The following NTN4 variants were observed in gnomAD, a reference collection of about 807,000 sequenced individuals.
The protein encoded by NTN4 is netrin-4.
In NTN4, 32 loss-of-function variants were observed where a neutral mutation model predicts 73.6. That is an observed-to-expected ratio of 0.44 (90% CI 0.33 to 0.58). The LOEUF (loss-of-function observed/expected upper bound fraction) is 0.58. NTN4 is among the 20% of genes least tolerant of loss of function. NTN4 has a pLI of 0.04. For synonymous variants in NTN4, 258 were observed against 287.5 expected (o/e 0.90, Z 1.04); for missense variants, 654 against 798.3 (o/e 0.82, Z 2.18).
At chr12:95,717,440 C>A (rs767368747) in intron 3 of NTN4, among the ~76,000 whole-genome samples, 2 of 152,022 alleles carry the variant, frequency 1.3e-5, no homozygotes, top group Non-Finnish European at 2.9e-5. Flanking sequence ...TTGGGATGAA[C>A]CTCCCGGGGT....
intron 2 of NTN4, among the ~76,000 whole-genome samples, chr12:95,783,406 A>G (rs2079146245): frequency 6.6e-6 from 1 of 152,228 alleles, no homozygotes; most frequent in Non-Finnish European, 1.5e-5. Context: ...TAAGTTAACA[A>G]TGCTATCTTT....
At position 95,708,413 on chromosome 12, in the gene NTN4, G is replaced by A. The variant is rs937498325; in HGVS notation, c.1180+2028C>T. Among the ~76,000 whole-genome samples, 6 of 151,296 alleles carry A rather than the reference G, an allele frequency of 4.0e-5. No individual in the cohort carries two copies. In the South Asian group the frequency reaches 6.3e-4, roughly 16 times the overall value. On this transcript the variant is annotated intron_variant, in intron 5 of 9. Coordinates refer to ENST00000343702, the MANE Select transcript of NTN4 (RefSeq NM_021229.4). ...CGCCATTCTCCTGCCTCAGCCTCCC[G>A]AGTAGCTGGAACTACAGGCGCCCGC...
rs78220032 is a variant in NTN4 at position 95,767,531 on chromosome 12, G to T, written c.585+19408C>A. Among the ~76,000 whole-genome samples the T allele has an allele frequency of 9.0e-3, 1,371 of 152,268 alleles. 42 individuals carry two copies. The highest frequency in any genetic ancestry group is 0.087 in the East Asian group (449 of 5,178). ...GCTTAGCAGTGCTTATGGAGAGAAAGTAACAAGCTTGGCCATTTATCCCAG... is the reference window on the plus strand; with the variant it reads ...GCTTAGCAGTGCTTATGGAGAGAAATTAACAAGCTTGGCCATTTATCCCAG... On this transcript the variant is annotated intron_variant, in intron 2 of 9. Coordinates refer to ENST00000343702, the MANE Select transcript of NTN4 (RefSeq NM_021229.4).
At chr12:95,724,023 GT>G (rs1044519595) in intron 3 of NTN4, among the ~76,000 whole-genome samples, 5 of 149,236 alleles carry the variant, frequency 3.4e-5, no homozygotes, top group Non-Finnish European at 6.0e-5. Context: ...GTTACCTAGA[GT>G]TTTTTTTTTA....
chr12:95,664,302 C>G (rs1342262210), intron 9 of NTN4, among the ~76,000 whole-genome samples: 1 of 152,130 alleles, frequency 6.6e-6, no homozygotes, highest in African/African-American at 2.4e-5. Context: ...AAGCTATCCT[C>G]CCACCTTGGC....
chr12:95,773,286 G>A (rs1275440372), intron 2 of NTN4, among the ~76,000 whole-genome samples: 1 of 152,190 alleles, frequency 6.6e-6, no homozygotes. Flanking sequence ...TTATAGGCAT[G>A]AGCCACCATG....
At chr12:95,691,585 G>A (rs145390982) in intron 5 of NTN4, among the ~76,000 whole-genome samples, 5,698 of 152,058 alleles carry the variant, frequency 0.037, 367 homozygotes, top group African/African-American at 0.13. Context: ...TAGTAGAGAC[G>A]GGGTTTTGCC....
chr12:95,735,450 A>G (rs1387899844), intron 3 of NTN4, among the ~76,000 whole-genome samples: 1 of 152,212 alleles, frequency 6.6e-6, no homozygotes, highest in Non-Finnish European at 1.5e-5. Flanking sequence ...TGAAATCAGT[A>G]TGAAAATGGA....
intron 2 of NTN4, among the ~76,000 whole-genome samples, chr12:95,779,184 A>G (rs555546643): frequency 6.6e-6 from 1 of 152,354 alleles, no homozygotes; most frequent in East Asian, 1.9e-4. Flanking sequence ...TATGTATGAC[A>G]AACCCACAGC....
At chr12:95,712,880 C>T (rs1352041737) in intron 4 of NTN4, among the ~76,000 whole-genome samples, 1 of 149,474 alleles carries the variant, frequency 6.7e-6, no homozygotes, top group Non-Finnish European at 1.5e-5. Context: ...TCAAGTGATC[C>T]ACCCGCCTTG....
At chr12:95,671,399 C>G (rs2078229221) in intron 7 of NTN4, among the ~76,000 whole-genome samples, 2 of 152,142 alleles carry the variant, frequency 1.3e-5, no homozygotes, top group African/African-American at 4.8e-5. Context: ...AGGAGGTGAG[C>G]AGCTTGAGAG....
chr12:95,695,531 AT>A (rs1309069765), intron 5 of NTN4, among the ~76,000 whole-genome samples: 1 of 151,872 alleles, frequency 6.6e-6, no homozygotes, highest in Non-Finnish European at 1.5e-5. Context: ...CACCTGGCTA[AT>A]TTTTGTATTT....
At chr12:95,730,682 A>G (rs2078730977) in intron 3 of NTN4, among the ~76,000 whole-genome samples, 1 of 152,228 alleles carries the variant, frequency 6.6e-6, no homozygotes, top group African/African-American at 2.4e-5. Context: ...TAAAATCAAC[A>G]TTCTGTACAC....
intron 2 of NTN4, among the ~76,000 whole-genome samples, chr12:95,762,982 C>T (rs993123285): frequency 2.6e-5 from 4 of 152,170 alleles, no homozygotes; most frequent in Admixed American, 6.5e-5. Flanking sequence ...CTCTCATCAT[C>T]AGTGTCATTT....
chr12:95,732,375 T>C (rs2121157372), intron 3 of NTN4, among the ~76,000 whole-genome samples: 1 of 151,104 alleles, frequency 6.6e-6, no homozygotes, highest in South Asian at 2.1e-4. Context: ...AGAGCTTTCT[T>C]TTCTCTCTCT....
intron 5 of NTN4, among the ~76,000 whole-genome samples, chr12:95,694,318 C>T (rs574472685): frequency 2.2e-5 from 3 of 134,990 alleles, no homozygotes; most frequent in African/African-American, 7.2e-5. Context: ...ACCAAGACCC[C>T]GGCGGCCACT....
At chr12:95,736,235 G>A (rs972799666) in intron 3 of NTN4, among the ~76,000 whole-genome samples, 5 of 151,992 alleles carry the variant, frequency 3.3e-5, no homozygotes, top group Admixed American at 1.3e-4. Flanking sequence ...CACTGTGCCC[G>A]GCCACCTGAA....
At chr12:95,768,595 C>T (rs920049764) in intron 2 of NTN4, among the ~76,000 whole-genome samples, 2 of 152,062 alleles carry the variant, frequency 1.3e-5, no homozygotes, top group Non-Finnish European at 2.9e-5. Context: ...CCTAGCAAGC[C>T]ACATTCAAGA....
At chr12:95,727,870 T>C (rs971344958) in intron 3 of NTN4, among the ~76,000 whole-genome samples, 1 of 152,216 alleles carries the variant, frequency 6.6e-6, no homozygotes, top group Admixed American at 6.5e-5. Context: ...ACAGTGAATC[T>C]ATAGGTCAGT....
Sources: allele counts gnomAD v4.1 joint callset (sites outside exome capture counted in the v4.1 genomes callset), GRCh38; gene constraint gnomAD v4.1.1; transcripts MANE v1.5; gene names NCBI Gene and HGNC (gene_info 2026-07-23, HGNC 2026-07-21).